Variants in TXNRD2 observed in about 807,000 individuals in gnomAD.
The protein encoded by TXNRD2 is thioredoxin reductase 2, mitochondrial.
A neutral mutation model predicts 70.8 loss-of-function variants in TXNRD2; 67 were observed. The ratio of observed to expected loss-of-function variants is 0.95; its 90% CI spans 0.78 to 1.16. TXNRD2 has a LOEUF of 1.16. Ranked by LOEUF, TXNRD2 falls within the 50% of genes most tolerant of loss-of-function variation. The pLI, the probability that TXNRD2 is intolerant of heterozygous loss-of-function variation, is 0.00. For missense variants in TXNRD2, 644 were observed against 719.9 expected (o/e 0.89, Z 1.21); for synonymous variants, 301 against 295.8 (o/e 1.02, Z -0.18).
intron 8 of TXNRD2, 76 bp downstream of exon 8, chr22:19,911,301 C>T: frequency 8.3e-7 from 1 of 1,205,832 alleles, no homozygotes; most frequent in Non-Finnish European, 1.2e-6. Flanking sequence ...AGCCCAGCAC[C>T]AGCACAGGCT....
intron 2 of TXNRD2, among the ~76,000 whole-genome samples, chr22:19,926,197 A>G (rs1941136636): frequency 6.6e-6 from 1 of 151,454 alleles, no homozygotes; most frequent in Admixed American, 6.6e-5. Flanking sequence ...AAGAAAAAGA[A>G]AATGCGAAGA....
At chr22:19,885,630 C>T (rs999165284) in intron 11 of TXNRD2, among the ~76,000 whole-genome samples, 32 of 152,130 alleles carry the variant, frequency 2.1e-4, no homozygotes, top group African/African-American at 4.8e-4. Flanking sequence ...CCCTGCAGGC[C>T]GGGGGCTCAC....
chr22:19,899,417 A>G (rs1185538797), intron 8 of TXNRD2, among the ~76,000 whole-genome samples: 1 of 152,150 alleles, frequency 6.6e-6, no homozygotes, highest in Non-Finnish European at 1.5e-5. Context: ...AAGCTGGGAG[A>G]TGCTTGGCAG....
intron 11 of TXNRD2, among the ~76,000 whole-genome samples, chr22:19,888,732 T>C (rs1939135959): frequency 6.6e-6 from 1 of 152,278 alleles, no homozygotes; most frequent in South Asian, 2.1e-4. Context: ...GACTGTCTCA[T>C]GAGGCATGTG....
At chr22:19,895,705 G>C in intron 10 of TXNRD2, 124 bp from the exon 11 acceptor site, 1 of 1,084,666 alleles carries the variant, frequency 9.2e-7, no homozygotes, top group Non-Finnish European at 1.4e-6. Context: ...GACGGGGTGA[G>C]ACACCCTGCC....
chr22:19,927,667 A>AAAAAG (rs1279212581), intron 2 of TXNRD2, among the ~76,000 whole-genome samples: 35 of 150,558 alleles, frequency 2.3e-4, no homozygotes, highest in African/African-American at 6.6e-4. Context: ...AAAAAAAAAA[A>AAAAAG]AAAAGAAAAG....
At chr22:19,933,607 G>T in intron 1 of TXNRD2, 1 of 853,576 alleles carries the variant, frequency 1.2e-6, no homozygotes, top group East Asian at 6.4e-5. Flanking sequence ...ACACCCAGGA[G>T]CCCTCTCGGG....
At chr22:19,880,843 C>T in intron 12 of TXNRD2, 126 bp from the exon 13 acceptor site, 1 of 678,126 alleles carries the variant, frequency 1.5e-6, no homozygotes, top group South Asian at 1.7e-5. Context: ...TGGCACCGAG[C>T]ATGGTGACGT....
intron 1 of TXNRD2, among the ~76,000 whole-genome samples, chr22:19,937,737 G>A (rs768923323): frequency 2.6e-5 from 4 of 152,196 alleles, no homozygotes; most frequent in Non-Finnish European, 4.4e-5. Flanking sequence ...GGCCAAGCCG[G>A]CTCAACAAAC....
chr22:19,927,689 G>C (rs1036334305), intron 2 of TXNRD2, among the ~76,000 whole-genome samples: 1 of 140,468 alleles, frequency 7.1e-6, no homozygotes, highest in Admixed American at 7.1e-5. Context: ...AAGAAAGAAA[G>C]AAAAGAAAGA....
At chr22:19,904,607 A>T (rs900522512) in intron 8 of TXNRD2, among the ~76,000 whole-genome samples, 7 of 152,186 alleles carry the variant, frequency 4.6e-5, no homozygotes, top group Admixed American at 1.3e-4. Flanking sequence ...AGTGGGCCCC[A>T]CACAGACGTG....
chr22:19,905,188 C>T (rs1201244953), intron 8 of TXNRD2, among the ~76,000 whole-genome samples: 1 of 152,182 alleles, frequency 6.6e-6, no homozygotes, highest in Non-Finnish European at 1.5e-5. Flanking sequence ...AGGGATATAT[C>T]TCCAGCTTAA....
intron 1 of TXNRD2, among the ~76,000 whole-genome samples, chr22:19,939,847 C>T (rs1941641327): frequency 1.3e-5 from 2 of 152,130 alleles, no homozygotes; most frequent in Admixed American, 6.5e-5. Flanking sequence ...ATACCCCATA[C>T]TTTCAATATA....
intron 1 of TXNRD2, among the ~76,000 whole-genome samples, chr22:19,931,464 A>G (rs1286768873): frequency 6.6e-6 from 1 of 152,104 alleles, no homozygotes; most frequent in African/African-American, 2.4e-5. Flanking sequence ...ATTGTAGTCC[A>G]CTGCCCTGCT....
intron 2 of TXNRD2, among the ~76,000 whole-genome samples, chr22:19,930,612 G>A (rs1481006658): frequency 2.0e-5 from 3 of 152,168 alleles, no homozygotes; most frequent in Admixed American, 2.0e-4. Context: ...GCAGGAGGGT[G>A]CAGCTCCAGC....
chr22:19,906,627 T>C (rs909714102), intron 8 of TXNRD2, among the ~76,000 whole-genome samples: 2 of 151,800 alleles, frequency 1.3e-5, no homozygotes, highest in African/African-American at 4.8e-5. Flanking sequence ...GTCTCAAAGA[T>C]AAAAAAACAG....
In TXNRD2 at chr22:19,915,976, A is replaced by G. The variant is rs1000693363; in HGVS notation, c.450-133T>C. The G allele has an allele frequency of 1.4e-5, 11 of 785,866 alleles. No individual in the cohort carries two copies. In the African/African-American group the frequency reaches 1.5e-4, roughly 11 times the overall value. 48.7% of individuals were successfully genotyped at this position (785,866 alleles called of 1,614,324 possible). A position where few individuals can be genotyped will look rare whatever the true frequency, so the allele number is the denominator to read the frequency against. On this transcript the variant is annotated intron_variant, in intron 5 of 17. Transcript: ENST00000400521. ...CTGGTGCTGTGGCTCAGATGGACCA[A>G]GAGGTAAGCGGCAACCATGCTGAGA...
intron 2 of TXNRD2, among the ~76,000 whole-genome samples, chr22:19,924,081 G>C (rs760848222): frequency 1.3e-5 from 2 of 151,320 alleles, no homozygotes; most frequent in Non-Finnish European, 2.9e-5. Context: ...GCTTGCTTAC[G>C]CCTTGACCTC....
At chr22:19,934,382 GA>G (rs35669821) in intron 1 of TXNRD2, among the ~76,000 whole-genome samples, 10,141 of 93,616 alleles carry the variant, frequency 0.11, 707 homozygotes, top group East Asian at 0.38. Flanking sequence ...CTCTGTCTCA[GA>G]AAAAAAAAAA....
Sources: gnomAD v4.1 joint callset for allele counts (sites outside exome capture counted in the v4.1 genomes callset) on GRCh38, gnomAD v4.1.1 for gene constraint, MANE v1.5 for transcripts, NCBI Gene and HGNC (gene_info 2026-07-23, HGNC 2026-07-21) for gene names.